TBC1D22B: variants seen among roughly 807,000 people sequenced by gnomAD.
The protein encoded by TBC1D22B is chromosome 6 open reading frame 197.
A neutral mutation model predicts 69.1 loss-of-function variants in TBC1D22B; 32 were observed. The observed-to-expected ratio is 0.46, with a 90% CI of 0.35 to 0.62. The LOEUF (loss-of-function observed/expected upper bound fraction) is 0.62. TBC1D22B is among the 20% of genes least tolerant of loss of function. The pLI, the probability that TBC1D22B is intolerant of heterozygous loss-of-function variation, is 0.00. For missense variants in TBC1D22B, 462 were observed against 630.9 expected, an observed-to-expected ratio of 0.73 and a Z score of 2.87; for synonymous variants, 206 against 229.8, an observed-to-expected ratio of 0.90 and a Z score of 0.94.
intron 1 of TBC1D22B, chr6:37,258,186 C>T: frequency 1.8e-6 from 1 of 567,364 alleles, no homozygotes; most frequent in South Asian, 2.3e-5. Context: ...GGTCTGGGGG[C>T]GGAGGTTTCA....
chr6:37,279,104 T>A (rs1248109103), intron 2 of TBC1D22B, among the ~76,000 whole-genome samples, 200 bp from the exon 3 acceptor site: 1 of 152,212 alleles, frequency 6.6e-6, no homozygotes, highest in South Asian at 2.1e-4. Flanking sequence ...ACCATTGCTG[T>A]CTCTGCTACA....
Position 37,279,538 on chromosome 6 carries a change from A to G in TBC1D22B, c.348A>G (p.Ser116=). ...KLRVKPERSQ[S]TTSDVPANYK... is the part of the protein sequence containing the mutation. Reference sequence around the variant, plus strand: ...GAGTAAAACCAGAACGGTCCCAGTCAACGACATCGGACGTCCCTGCCAACT... The same window carrying G: ...GAGTAAAACCAGAACGGTCCCAGTCGACGACATCGGACGTCCCTGCCAACT... The change falls in exon 3 of 13, where the codon TCA becomes TCG. Residue 116 remains serine, a synonymous_variant. Transcript: ENST00000373491. The G allele has an allele frequency of 6.2e-7, 1 of 1,614,256 alleles. No homozygotes were observed. The highest frequency in any genetic ancestry group is 8.5e-7 in the Non-Finnish European group (1 of 1,180,046).
intron 12 of TBC1D22B, among the ~76,000 whole-genome samples, chr6:37,330,032 C>T (rs1768535243): frequency 6.6e-6 from 1 of 152,128 alleles, no homozygotes; most frequent in African/African-American, 2.4e-5. Context: ...TTCGGATCAG[C>T]TAGGAGCAGG....
chr6:37,261,151 G>A (rs1766085640), intron 1 of TBC1D22B, among the ~76,000 whole-genome samples: 1 of 152,140 alleles, frequency 6.6e-6, no homozygotes, highest in Non-Finnish European at 1.5e-5. Context: ...TACCATTGCA[G>A]GCTTTGGCAG....
At chr6:37,324,843 T>C (rs1246840002) in intron 12 of TBC1D22B, among the ~76,000 whole-genome samples, 2 of 152,204 alleles carry the variant, frequency 1.3e-5, no homozygotes, top group Admixed American at 6.5e-5. Context: ...CCTGTGACCC[T>C]AGGCAAGTTC....
At chr6:37,262,136 G>A (rs928792651) in intron 1 of TBC1D22B, among the ~76,000 whole-genome samples, 43 of 150,228 alleles carry the variant, frequency 2.9e-4, no homozygotes, top group African/African-American at 1.0e-3. Context: ...GATTAAACGA[G>A]TCTCCTGCCT....
At chr6:37,298,413 T>C (rs1767455005) in intron 8 of TBC1D22B, among the ~76,000 whole-genome samples, 1 of 152,160 alleles carries the variant, frequency 6.6e-6, no homozygotes, top group Non-Finnish European at 1.5e-5. Context: ...AAATATCATA[T>C]AGCAAGCTTT....
chr6:37,324,402 C>G, intron 12 of TBC1D22B: 1 of 456,362 alleles, frequency 2.2e-6, no homozygotes, highest in Non-Finnish European at 4.4e-6. Flanking sequence ...GACACATCTA[C>G]AGCAGGTTCA....
intron 8 of TBC1D22B, among the ~76,000 whole-genome samples, chr6:37,300,637 C>G (rs749992585): frequency 6.6e-6 from 1 of 152,224 alleles, no homozygotes; most frequent in African/African-American, 2.4e-5. Context: ...ACCGGGATTA[C>G]AGGCATGAGC....
intron 8 of TBC1D22B, among the ~76,000 whole-genome samples, chr6:37,293,820 C>G (rs1767268931): frequency 6.6e-6 from 1 of 152,116 alleles, no homozygotes; most frequent in African/African-American, 2.4e-5. Flanking sequence ...AGTGAACACA[C>G]AAATAGTAAG....
intron 12 of TBC1D22B, among the ~76,000 whole-genome samples, chr6:37,326,817 C>T (rs1292074027): frequency 6.6e-6 from 1 of 152,072 alleles, no homozygotes; most frequent in South Asian, 2.1e-4. Flanking sequence ...AATCTTACCA[C>T]ACAGAGGTGA....
At chr6:37,286,900 T>G in intron 6 of TBC1D22B, 107 bp from the exon 7 acceptor site, 2 of 927,284 alleles carry the variant, frequency 2.2e-6, no homozygotes, top group Non-Finnish European at 3.3e-6. Context: ...GCTGAGATAG[T>G]GCCATTGCAC....
chr6:37,286,600 C>T (rs1410119654), intron 6 of TBC1D22B, among the ~76,000 whole-genome samples: 1 of 150,468 alleles, frequency 6.6e-6, no homozygotes, highest in African/African-American at 2.4e-5. Flanking sequence ...CAGGCGTGAG[C>T]CACCGCACCC....
intron 7 of TBC1D22B, among the ~76,000 whole-genome samples, chr6:37,288,741 C>CAAA (rs1279008478): frequency 1.4e-5 from 1 of 73,890 alleles, no homozygotes; most frequent in Non-Finnish European, 2.8e-5. Flanking sequence ...GATCCTGTCT[C>CAAA]AAAAAAAAAA....
Position 37,320,575 on chromosome 6 carries a change from G to A in TBC1D22B, c.1389+3369G>A, listed in dbSNP as rs992144489. Among the ~76,000 whole-genome samples, 19 of 152,238 alleles carry A rather than the reference G, an allele frequency of 1.2e-4. No individual in the cohort carries two copies. In the East Asian group the frequency reaches 3.7e-3, roughly 29 times the overall value. ...AATTAAGTGGTTTTTAACATAATGA[G>A]TAAACCATACAAGGTTCATACTGAG... On this transcript the variant is annotated intron_variant, in intron 12 of 12. Transcript: ENST00000373491.
chr6:37,287,497 C>T (rs1020203354), intron 7 of TBC1D22B, among the ~76,000 whole-genome samples: 1 of 152,184 alleles, frequency 6.6e-6, no homozygotes, highest in African/African-American at 2.4e-5. Context: ...CATCCACTTC[C>T]AGAACATTTT....
intron 1 of TBC1D22B, among the ~76,000 whole-genome samples, chr6:37,260,182 G>A (rs1264841807): frequency 6.6e-6 from 1 of 152,114 alleles, no homozygotes; most frequent in East Asian, 1.9e-4. Context: ...AAAATGTTAG[G>A]GCATTTTCTC....
At chr6:37,258,173 CGG>C in intron 1 of TBC1D22B, 200 bp downstream of exon 1, 1 of 600,472 alleles carries the variant, frequency 1.7e-6, no homozygotes, top group Non-Finnish European at 2.9e-6. Flanking sequence ...GGGTGTAGAC[CGG>C]GGTCTGGGGG....
intron 8 of TBC1D22B, among the ~76,000 whole-genome samples, chr6:37,310,527 G>A (rs1562062680): frequency 6.6e-6 from 1 of 152,112 alleles, no homozygotes; most frequent in Non-Finnish European, 1.5e-5. Flanking sequence ...AATTAGCCAG[G>A]CATAGTGGCT....
Sources: allele counts gnomAD v4.1 joint callset (sites outside exome capture counted in the v4.1 genomes callset), GRCh38; gene constraint gnomAD v4.1.1; transcripts MANE v1.5; gene names NCBI Gene and HGNC (gene_info 2026-07-23, HGNC 2026-07-21).